The following STAT3 variants were observed in gnomAD, a reference collection of about 807,000 sequenced individuals.
The protein encoded by STAT3 is signal transducer and activator of transcription 3, also known as DNA-binding protein APRF.
Under a neutral mutation model 114.3 loss-of-function variants are expected in STAT3, and 7 were observed. The observed-to-expected ratio is 0.06, with a 90% confidence interval of 0.03 to 0.11. The LOEUF (loss-of-function observed/expected upper bound fraction) is 0.11, where lower values mean the gene tolerates loss of function less well. Among genes scored for constraint, STAT3 ranks in the 10% least tolerant of loss-of-function variants. The pLI is 1.00. For missense variants in STAT3, 364 were observed against 960.9 expected (o/e 0.38, Z 8.21); for synonymous variants, 331 against 354.5 (o/e 0.93, Z 0.74).
Position 42,324,890 on chromosome 17 carries a change from C to T in STAT3, c.1465-44G>A. Reference sequence around the variant, plus strand: ...TTGCTTGTTTAGATGAGGGATGGTGCTCATTGTCTATACTAGGTACCCCTA... The same window carrying T: ...TTGCTTGTTTAGATGAGGGATGGTGTTCATTGTCTATACTAGGTACCCCTA... On this transcript the variant is annotated intron_variant, in intron 16 of 23. Transcript: ENST00000264657. The surrounding 1 kb of genome is among the most constrained non-coding windows in gnomAD (Gnocchi z 4.5). 1 of 1,614,148 alleles carries T rather than the reference C, an allele frequency of 6.2e-7. No individual in the cohort carries two copies.
chr17:42,373,430 T>C (rs1041523256), intron 1 of STAT3, among the ~76,000 whole-genome samples: 1 of 152,014 alleles, frequency 6.6e-6, no homozygotes, highest in African/African-American at 2.4e-5. Context: ...CAGGCACCTG[T>C]AATCCTAGCT....
chr17:42,348,469 C>T lies in STAT3; in HGVS notation c.48G>A (p.Glu16=), dbSNP rs563996007. 13 of 1,614,026 alleles carry T rather than the reference C, an allele frequency of 8.1e-6. No homozygotes were observed. The highest frequency in any genetic ancestry group is 7.7e-5 in the South Asian group (7 of 91,076). Residue 16 remains glutamate, a synonymous_variant, in exon 2 of 24, where the codon GAG becomes GAA. Coordinates refer to ENST00000264657, the MANE Select transcript of STAT3 (RefSeq NM_139276.3). The part of the protein sequence containing the change: ...QLQQLDTRYL[E]QLHQLYSDSF... ...TGTCACTGTAGAGCTGATGGAGCTG[C>T]TCCAGGTACCGTGTGTCAAGCTGCT...
At chr17:42,336,850 GTCTA>G (rs1271153511) in intron 8 of STAT3, among the ~76,000 whole-genome samples, 1 of 151,740 alleles carries the variant, frequency 6.6e-6, no homozygotes, top group Non-Finnish European at 1.5e-5. Context: ...TAAAAGGTTT[GTCTA>G]TCTGTTAAAT....
In STAT3 at chr17:42,329,784, AAC is replaced by A. The variant is rs756313613; in HGVS notation, c.1110-10_1110-9del. ...GCAACGTCCCCAGAGTCTCTGTAAG[AAC>A]ACAGACTGTTGTTAATAAAATAGGC... On this transcript the variant is annotated splice_polypyrimidine_tract_variant and intron_variant, in intron 11 of 23. Transcript: ENST00000264657. 64 of 1,614,166 alleles carry A rather than the reference AAC, an allele frequency of 4.0e-5. No homozygotes were observed. In the East Asian group the frequency reaches 1.3e-3, roughly 34 times the overall value.
intron 1 of STAT3, among the ~76,000 whole-genome samples, chr17:42,366,094 A>G (rs2083773674): frequency 6.6e-6 from 1 of 152,202 alleles, no homozygotes; most frequent in Non-Finnish European, 1.5e-5. Context: ...TAATATGAAC[A>G]TCAGACACTT....
rs1805600893 is a variant in STAT3 at position 42,313,893 on chromosome 17, T to TA, written c.*1851dup. On this transcript the variant is annotated 3_prime_UTR_variant, in exon 24 of 24. Transcript: ENST00000264657. The stretch of plus-strand genomic sequence containing the variant: ...GGACTGGGGCGAACCCTGTTCATCT[T>TA]AGAGAAGGTCGTCTCCCCCTTAATT... 4.3e-6 allele frequency: 1 copy of TA among 232,394 alleles called. No individual in the cohort carries two copies. The highest frequency in any genetic ancestry group is 6.1e-5 in the East Asian group (1 of 16,522). The allele number at this position is 232,394 out of a possible 1,614,324, so 14.4% of individuals were successfully genotyped here. A position where few individuals can be genotyped will look rare whatever the true frequency, so the allele number is the denominator to read the frequency against.
chr17:42,385,711 T>C (rs2085066233), intron 1 of STAT3, among the ~76,000 whole-genome samples: 1 of 152,094 alleles, frequency 6.6e-6, no homozygotes, highest in African/African-American at 2.4e-5. Flanking sequence ...CAAGCCACAA[T>C]GCACTCTGGT....
intron 1 of STAT3, among the ~76,000 whole-genome samples, chr17:42,360,015 G>A (rs893923662): frequency 3.6e-5 from 5 of 139,832 alleles, no homozygotes; most frequent in African/African-American, 8.3e-5. Flanking sequence ...AGCCGAGATC[G>A]CGCCACTGCA....
intron 1 of STAT3, among the ~76,000 whole-genome samples, chr17:42,373,477 G>A (rs996798263): frequency 1.6e-4 from 24 of 152,246 alleles, no homozygotes; most frequent in African/African-American, 2.2e-4. Context: ...ACTTGAGCCC[G>A]GGAGGTGGAG....
At chr17:42,375,327 A>C (rs2084389574) in intron 1 of STAT3, among the ~76,000 whole-genome samples, 1 of 152,184 alleles carries the variant, frequency 6.6e-6, no homozygotes, top group South Asian at 2.1e-4. Flanking sequence ...CAAACTAAGG[A>C]CCAAGGACCA....
At chr17:42,349,246 A>T (rs2082831757) in intron 1 of STAT3, among the ~76,000 whole-genome samples, 1 of 152,216 alleles carries the variant, frequency 6.6e-6, no homozygotes, top group South Asian at 2.1e-4. Flanking sequence ...GTGTGAAATT[A>T]AAAAATTACT....
At chr17:42,345,220 G>T (rs554580358) in intron 4 of STAT3, among the ~76,000 whole-genome samples, 1 of 151,232 alleles carries the variant, frequency 6.6e-6, no homozygotes, top group Admixed American at 6.6e-5. Context: ...AGCCAAGATC[G>T]CGCCATTGCA....
At chr17:42,380,769 T>C (rs2084746744) in intron 1 of STAT3, among the ~76,000 whole-genome samples, 1 of 152,108 alleles carries the variant, frequency 6.6e-6, no homozygotes, top group South Asian at 2.1e-4. Flanking sequence ...GAAAATTAGC[T>C]GAGGGTGGTA....
Position 42,317,572 on chromosome 17 carries a change from T to C in STAT3, c.2102-348A>G, listed in dbSNP as rs1411438675. The C allele has an allele frequency of 1.2e-5, 5 of 403,126 alleles. No homozygotes were observed. In the East Asian group the frequency reaches 2.5e-4, roughly 20 times the overall value. 25.0% of individuals were successfully genotyped at this position (403,126 alleles called of 1,614,324 possible). ...TAACAGCCTCCACGTGGTCTGAGCA[T>C]TCTATTCCGGCCTGGTCATATCTCT... On this transcript the variant is annotated intron_variant, in intron 21 of 23. Transcript: ENST00000264657.
chr17:42,315,534 T>G lies in STAT3; in HGVS notation c.*211A>C, dbSNP rs41289087. 3.2e-3 allele frequency: 1,991 copies of G among 629,776 alleles called. 9 individuals are homozygous for G. Among genetic ancestry groups the G allele is most frequent in the Non-Finnish European group, 3.9e-3 (1,395 of 353,368 alleles). The allele number at this position is 629,776 out of a possible 1,614,324, so 39.0% of individuals were successfully genotyped here. The stretch of plus-strand genomic sequence containing the variant: ...CTCAGAGAACACATCCTTATTTGCA[T>G]TTAGATAAAAGCAGATCACCCACAT... On this transcript the variant is annotated 3_prime_UTR_variant, in exon 24 of 24. Coordinates refer to ENST00000264657, the MANE Select transcript of STAT3 (RefSeq NM_139276.3).
chr17:42,385,270 A>G (rs1374776988), intron 1 of STAT3, among the ~76,000 whole-genome samples: 1 of 152,132 alleles, frequency 6.6e-6, no homozygotes, highest in Non-Finnish European at 1.5e-5. Context: ...GCACTTTGGG[A>G]GGCTGAGGTG....
intron 4 of STAT3, 87 bp from the exon 5 acceptor site, chr17:42,339,496 C>A: frequency 7.3e-7 from 1 of 1,367,326 alleles, no homozygotes; most frequent in Non-Finnish European, 1.0e-6. Flanking sequence ...ACCCTAACTA[C>A]CCTTCTTGTT....
chr17:42,346,764 A>G (rs530435018), intron 2 of STAT3, 51 bp from the exon 3 acceptor site: 2 of 1,613,606 alleles, frequency 1.2e-6, no homozygotes, highest in African/African-American at 2.7e-5. Context: ...ACGCATACAC[A>G]CAAACACAGA....
intron 22 of STAT3, 106 bp from the exon 23 acceptor site, chr17:42,317,007 C>A: frequency 6.4e-7 from 1 of 1,560,022 alleles, no homozygotes; most frequent in Non-Finnish European, 8.7e-7. Context: ...AAACTCTGGT[C>A]TCCAACAGAA....
Sources: allele counts gnomAD v4.1 joint callset (sites outside exome capture counted in the v4.1 genomes callset), GRCh38; gene constraint gnomAD v4.1.1; non-coding constraint Gnocchi (gnomAD v3.1); transcripts MANE v1.5; gene names NCBI Gene and HGNC (gene_info 2026-07-23, HGNC 2026-07-21).